Variants in CAST observed in about 807,000 individuals in gnomAD.
CAST encodes the protein calpastatin, also known as MIR583 host.
Under a neutral mutation model 119.6 loss-of-function variants are expected in CAST, and 76 were observed. The ratio of observed to expected loss-of-function variants is 0.64; its 90% CI spans 0.53 to 0.77. The LOEUF is 0.77. Among genes scored for constraint, CAST ranks in the 30% least tolerant of loss-of-function variants. CAST has a pLI of 0.00. For missense variants in CAST, 953 were observed against 946.5 expected, an observed-to-expected ratio of 1.01 and a Z score of -0.09; for synonymous variants, 319 against 331.6, an observed-to-expected ratio of 0.96 and a Z score of 0.41.
chr5:96,631,778 C>T (rs947518083), intron 1 of CAST, among the ~76,000 whole-genome samples: 5 of 152,074 alleles, frequency 3.3e-5, no homozygotes, highest in Non-Finnish European at 7.4e-5. Context: ...GTGATCCACC[C>T]GCCTCGGCCT....
At position 96,729,679 on chromosome 5, in the gene CAST, C is replaced by G; in HGVS notation, c.503C>G (p.Ser168Cys). 6.3e-7 allele frequency: 1 copy of G among 1,595,848 alleles called. No homozygotes were observed. The highest frequency in any genetic ancestry group is 8.6e-7 in the Non-Finnish European group (1 of 1,163,422). ...GATGCTCACAATAAAAAAGCAGTTT[C>G]CAGATCAGCTGAACAGCAGCCATCA... is the stretch of plus-strand genomic sequence containing the variant. The part of the protein sequence containing the change: ...SNDAHNKKAV[S>C]RSAEQQPSEK... Residue 168 changes from serine to cysteine, a missense_variant, in exon 8 of 32, where the codon TCC (serine) becomes TGC (cysteine). Ser to Cys is a moderately radical substitution (Grantham distance 112). Coordinates refer to ENST00000675179, the MANE Select transcript of CAST (RefSeq NM_001750.7).
chr5:95,999,141 A>T, the CAST span, among the ~76,000 whole-genome samples: 1 of 152,000 alleles, frequency 6.6e-6, no homozygotes, highest in Admixed American at 6.6e-5. Flanking sequence ...AGTTATTCTC[A>T]TTCCTATACC....
chr5:96,568,148 G>T (rs905920292), intron 1 of CAST, among the ~76,000 whole-genome samples: 1 of 152,152 alleles, frequency 6.6e-6, no homozygotes, highest in African/African-American at 2.4e-5. Flanking sequence ...AAGAGCAAGC[G>T]TGTATCTGAT....
the CAST span, among the ~76,000 whole-genome samples, chr5:96,327,556 C>T: frequency 9.1e-4 from 138 of 152,302 alleles, 2 homozygotes; most frequent in East Asian, 5.6e-3. Context: ...CCCTTGAAAA[C>T]GGCAGAGTGA....
At chr5:96,599,975 A>AAAAAAGAAAAAAAG (rs1554070031) in intron 1 of CAST, among the ~76,000 whole-genome samples, 3 of 140,508 alleles carry the variant, frequency 2.1e-5, no homozygotes, top group Non-Finnish European at 4.7e-5. Context: ...GCAAAAAAAA[A>AAAAAAGAAAAAAAG]AAAAAAAACC....
At chr5:96,271,219 C>T in the CAST span, among the ~76,000 whole-genome samples, 15 of 151,978 alleles carry the variant, frequency 9.9e-5, no homozygotes, top group African/African-American at 3.4e-4. Context: ...AAGCAACATA[C>T]AGATTCAATG....
At chr5:95,997,838 C>A in the CAST span, among the ~76,000 whole-genome samples, 1 of 152,008 alleles carries the variant, frequency 6.6e-6, no homozygotes, top group African/African-American at 2.4e-5. Flanking sequence ...GGGCAGGGTA[C>A]CCCAACTGAA....
chr5:96,366,682 G>A, the CAST span, among the ~76,000 whole-genome samples: 1 of 152,234 alleles, frequency 6.6e-6, no homozygotes, highest in East Asian at 1.9e-4. Context: ...GCTCCATCAG[G>A]TCATTTAAGT....
At chr5:96,499,518 C>A in the CAST span, among the ~76,000 whole-genome samples, 4 of 152,204 alleles carry the variant, frequency 2.6e-5, no homozygotes, top group African/African-American at 7.2e-5. Flanking sequence ...GAGGGTCTTG[C>A]CTCCACATTC....
At chr5:96,127,150 C>T in the CAST span, among the ~76,000 whole-genome samples, 44 of 152,104 alleles carry the variant, frequency 2.9e-4, no homozygotes, top group African/African-American at 9.6e-4. Context: ...TAATATATAG[C>T]TTTATTTGCA....
At chr5:96,328,560 A>G in the CAST span, among the ~76,000 whole-genome samples, 1 of 152,172 alleles carries the variant, frequency 6.6e-6, no homozygotes, top group African/African-American at 2.4e-5. Context: ...GGAGAAAAAG[A>G]TTGACAAACC....
At chr5:96,518,056 A>T in the CAST span, among the ~76,000 whole-genome samples, 1 of 152,262 alleles carries the variant, frequency 6.6e-6, no homozygotes. Flanking sequence ...CAGGATTCAA[A>T]TCAGGTAGTC....
At chr5:96,752,002 T>C (rs1765168764) in intron 20 of CAST, among the ~76,000 whole-genome samples, 1 of 152,082 alleles carries the variant, frequency 6.6e-6, no homozygotes, top group African/African-American at 2.4e-5. Context: ...TGTGACACCC[T>C]CGAACGCCAG....
the CAST span, among the ~76,000 whole-genome samples, chr5:96,091,529 A>C: frequency 2.0e-5 from 2 of 101,682 alleles, no homozygotes; most frequent in African/African-American, 3.9e-5. Flanking sequence ...TTTTTGAGAT[A>C]GGGTCTTACT....
chr5:96,096,004 A>G, the CAST span, among the ~76,000 whole-genome samples: 3 of 152,184 alleles, frequency 2.0e-5, no homozygotes, highest in Non-Finnish European at 4.4e-5. Context: ...GACATCAGCT[A>G]TTCAGATGGA....
chr5:96,356,578 A>G, the CAST span, among the ~76,000 whole-genome samples: 12 of 152,314 alleles, frequency 7.9e-5, 1 homozygote, highest in African/African-American at 2.9e-4. Context: ...AACACCATTT[A>G]TTAAATAGGG....
At chr5:96,572,645 T>C (rs1030117257) in intron 1 of CAST, among the ~76,000 whole-genome samples, 4 of 152,246 alleles carry the variant, frequency 2.6e-5, no homozygotes, top group African/African-American at 9.6e-5. Context: ...TGGTATCTCC[T>C]GGCCTTTTCT....
At chr5:96,735,489 G>A (rs1341174048) in intron 9 of CAST, among the ~76,000 whole-genome samples, 1 of 152,220 alleles carries the variant, frequency 6.6e-6, no homozygotes, top group Non-Finnish European at 1.5e-5. Flanking sequence ...GGGCAGAAAT[G>A]TGCAGAGTGT....
At chr5:96,425,011 A>G in the CAST span, among the ~76,000 whole-genome samples, 1 of 22,724 alleles carries the variant, frequency 4.4e-5, no homozygotes, top group African/African-American at 1.4e-4. Flanking sequence ...AAGAAAGAAA[A>G]GAAAGAAAGA....
Sources: gnomAD v4.1 joint callset for allele counts (sites outside exome capture counted in the v4.1 genomes callset) on GRCh38, gnomAD v4.1.1 for gene constraint, MANE v1.5 for transcripts, NCBI Gene and HGNC (gene_info 2026-07-23, HGNC 2026-07-21) for gene names.